KCNN3: variants seen among roughly 807,000 people sequenced by gnomAD.
The protein encoded by KCNN3 is small conductance calcium-activated potassium channel protein 3.
A neutral mutation model predicts 62.9 loss-of-function variants in KCNN3; 16 were observed. The observed-to-expected ratio is 0.25, with a 90% confidence interval of 0.17 to 0.39. The LOEUF is 0.39. Among genes scored for constraint, KCNN3 ranks in the 10% least tolerant of loss-of-function variants. The pLI, the probability that KCNN3 is intolerant of heterozygous loss-of-function variation, is 1.00. For missense variants in KCNN3, 599 were observed against 949.4 expected (o/e 0.63, Z 4.85); for synonymous variants, 370 against 389.2 (o/e 0.95, Z 0.58).
intron 3 of KCNN3, among the ~76,000 whole-genome samples, chr1:154,746,453 A>G (rs559854176): frequency 6.6e-6 from 1 of 152,196 alleles, no homozygotes; most frequent in Non-Finnish European, 1.5e-5. Flanking sequence ...GGGGTTTAAT[A>G]AGCAGAACCC....
chr1:154,867,840 G>A (rs1653013208), intron 1 of KCNN3: 1 of 433,326 alleles, frequency 2.3e-6, no homozygotes, highest in Non-Finnish European at 3.1e-6. Flanking sequence ...CCAACAAATT[G>A]GGGGTGGGGG....
At chr1:154,864,354 T>C (rs1377397228) in intron 1 of KCNN3, among the ~76,000 whole-genome samples, 1 of 152,248 alleles carries the variant, frequency 6.6e-6, no homozygotes, top group African/African-American at 2.4e-5. Context: ...AAACAGAAGG[T>C]GCAGAGCCAC....
At chr1:154,759,362 GA>G (rs145666127) in intron 3 of KCNN3, among the ~76,000 whole-genome samples, 4,128 of 152,314 alleles carry the variant, frequency 0.027, 189 homozygotes, top group African/African-American at 0.094. Context: ...ATGGGATCAC[GA>G]GGGGCAAACA....
In KCNN3 at chr1:154,778,894, G is replaced by A. The variant is rs57176567; in HGVS notation, c.1030-6501C>T. Among the ~76,000 whole-genome samples, 742 of 152,100 alleles carry A rather than the reference G, an allele frequency of 4.9e-3. 3 individuals are homozygous for A. The highest frequency in any genetic ancestry group is 0.017 in the African/African-American group (695 of 41,486). On this transcript the variant is annotated intron_variant, in intron 2 of 7. Coordinates refer to ENST00000271915, the MANE Select transcript of KCNN3 (RefSeq NM_002249.6). ...TGGGATTACACGTATGAGCCACCAC[G>A]CCTGGCCAGTACAGCCTATTTCTCA...
At chr1:154,754,211 C>T (rs561223791) in intron 3 of KCNN3, among the ~76,000 whole-genome samples, 33 of 152,134 alleles carry the variant, frequency 2.2e-4, no homozygotes, top group Admixed American at 6.5e-4. Flanking sequence ...ATAGTAGGAA[C>T]GGTAACTGGA....
chr1:154,786,207 A>C (rs1020203106), intron 2 of KCNN3, among the ~76,000 whole-genome samples: 1 of 152,226 alleles, frequency 6.6e-6, no homozygotes. Flanking sequence ...AAATGAATAC[A>C]TAAAGGGTTT....
chr1:154,855,793 C>T (rs910744682), intron 1 of KCNN3, among the ~76,000 whole-genome samples: 2 of 152,214 alleles, frequency 1.3e-5, no homozygotes, highest in Admixed American at 6.5e-5. Flanking sequence ...TATTTTTCCG[C>T]CTGGGCTGGC....
intron 2 of KCNN3, among the ~76,000 whole-genome samples, chr1:154,790,500 A>G (rs1281864805): frequency 3.9e-5 from 6 of 152,256 alleles, no homozygotes; most frequent in African/African-American, 1.4e-4. Flanking sequence ...ATAATAAAGC[A>G]TTGAATATCT....
intron 3 of KCNN3, among the ~76,000 whole-genome samples, chr1:154,746,597 T>C (rs372599478): frequency 6.6e-6 from 1 of 152,170 alleles, no homozygotes; most frequent in African/African-American, 2.4e-5. Flanking sequence ...TGCTTCTTTT[T>C]CTTTTTTTCT....
At chr1:154,802,900 C>T (rs1320164954) in intron 2 of KCNN3, among the ~76,000 whole-genome samples, 1 of 152,210 alleles carries the variant, frequency 6.6e-6, no homozygotes, top group Non-Finnish European at 1.5e-5. Flanking sequence ...TATTCTCCAG[C>T]TGCACCAGCC....
intron 1 of KCNN3, among the ~76,000 whole-genome samples, chr1:154,866,370 T>G (rs1652957200): frequency 6.6e-6 from 1 of 152,190 alleles, no homozygotes; most frequent in South Asian, 2.1e-4. Flanking sequence ...GGCAGATACG[T>G]GCCTTACACG....
At chr1:154,852,835 G>C (rs902850837) in intron 1 of KCNN3, among the ~76,000 whole-genome samples, 22 of 152,188 alleles carry the variant, frequency 1.4e-4, no homozygotes, top group African/African-American at 4.8e-4. Flanking sequence ...CCACCGGACA[G>C]TGCTGTCTAC....
At chr1:154,714,279 GT>G (rs1700162373) in intron 6 of KCNN3, among the ~76,000 whole-genome samples, 1 of 131,064 alleles carries the variant, frequency 7.6e-6, no homozygotes, top group African/African-American at 2.9e-5. Flanking sequence ...TGTGGTGTGT[GT>G]GGTGTGTGGT....
intron 2 of KCNN3, among the ~76,000 whole-genome samples, chr1:154,774,390 C>T (rs952685994): frequency 1.3e-5 from 2 of 152,338 alleles, no homozygotes; most frequent in African/African-American, 4.8e-5. Context: ...TGGAGTCCCA[C>T]CATATTTGAT....
In KCNN3 at chr1:154,703,492, A is replaced by C. The variant is rs1260928648; in HGVS notation, c.*4484T>G. 1 of 152,210 alleles carries C rather than the reference A, an allele frequency of 6.6e-6. No homozygotes were observed. The highest frequency in any genetic ancestry group is 1.9e-4 in the East Asian group (1 of 5,202). 9.4% of individuals were successfully genotyped at this position (152,210 alleles called of 1,614,324 possible). A position where few individuals can be genotyped will look rare whatever the true frequency, so the allele number is the denominator to read the frequency against. On this transcript the variant is annotated 3_prime_UTR_variant, in exon 8 of 8. Coordinates refer to ENST00000271915, the MANE Select transcript of KCNN3 (RefSeq NM_002249.6). ...AGCAACTCTTAGGGGAAGAAGAATG[A>C]ATGTAGAAAACTGGGGACATATTTT...
chr1:154,707,476 T>C lies in KCNN3; in HGVS notation c.*500A>G, dbSNP rs1286124230. 1 of 150,932 alleles carries C rather than the reference T, an allele frequency of 6.6e-6. No homozygotes were observed. The highest frequency in any genetic ancestry group is 2.4e-5 in the African/African-American group (1 of 40,898). 9.3% of individuals were successfully genotyped at this position (150,932 alleles called of 1,614,324 possible). A position where few individuals can be genotyped will look rare whatever the true frequency, so the allele number is the denominator to read the frequency against. Reference sequence around the variant, plus strand: ...CGAGTATATCTGTTTTGGCAAGTTGTGGGCAGCTCTCTTTTACTTTTGTCA... The same window carrying C: ...CGAGTATATCTGTTTTGGCAAGTTGCGGGCAGCTCTCTTTTACTTTTGTCA... On this transcript the variant is annotated 3_prime_UTR_variant, in exon 8 of 8. Coordinates refer to ENST00000271915, the MANE Select transcript of KCNN3 (RefSeq NM_002249.6).
Position 154,766,418 on chromosome 1 carries a change from A to T in KCNN3, c.1448+5557T>A, listed in dbSNP as rs184728002. On this transcript the variant is annotated intron_variant, in intron 3 of 7. Coordinates refer to ENST00000271915, the MANE Select transcript of KCNN3 (RefSeq NM_002249.6). ...ATTTATTAAATACTAGCCAGGCTTT[A>T]TATATATATATATATATATATATAT... 3.2e-3 allele frequency among the ~76,000 whole-genome samples: 339 copies of T among 104,624 alleles called. 13 individuals are homozygous for T. The highest frequency in any genetic ancestry group is 5.5e-3 in the Middle Eastern group (1 of 182). The allele number at this position is 104,624 out of a possible 152,430, so 68.6% of individuals were successfully genotyped here. A position where few individuals can be genotyped will look rare whatever the true frequency, so the allele number is the denominator to read the frequency against.
intron 5 of KCNN3, among the ~76,000 whole-genome samples, chr1:154,720,645 G>A (rs1487933618): frequency 6.6e-6 from 1 of 152,214 alleles, no homozygotes; most frequent in East Asian, 1.9e-4. Context: ...GTTTTCTTCA[G>A]TGTCATTCAG....
intron 2 of KCNN3, among the ~76,000 whole-genome samples, chr1:154,798,068 T>C (rs923290780): frequency 6.6e-6 from 1 of 152,196 alleles, no homozygotes; most frequent in African/African-American, 2.4e-5. Context: ...ATGACTGCCA[T>C]ACTAAATCAT....
Sources: gnomAD v4.1 joint callset for allele counts (sites outside exome capture counted in the v4.1 genomes callset) on GRCh38, gnomAD v4.1.1 for gene constraint, MANE v1.5 for transcripts, NCBI Gene and HGNC (gene_info 2026-07-23, HGNC 2026-07-21) for gene names.